Variants in INSC observed in about 807,000 individuals in gnomAD.
INSC encodes INSC spindle orientation adaptor protein, also known as protein inscuteable homolog.
A neutral mutation model predicts 58.6 loss-of-function variants in INSC; 67 were observed. The ratio of observed to expected loss-of-function variants is 1.14; its 90% CI spans 0.94 to 1.40. The LOEUF (loss-of-function observed/expected upper bound fraction) is 1.40. Ranked by LOEUF, INSC falls within the 40% of genes most tolerant of loss-of-function variation. INSC has a pLI of 0.00. For synonymous variants in INSC, 262 were observed against 276.1 expected, an observed-to-expected ratio of 0.95 and a Z score of 0.51; for missense variants, 714 against 692.0, an observed-to-expected ratio of 1.03 and a Z score of -0.36.
the INSC span, among the ~76,000 whole-genome samples, chr11:15,266,723 A>G: frequency 1.3e-5 from 2 of 151,998 alleles, no homozygotes; most frequent in Non-Finnish European, 2.9e-5. Flanking sequence ...TGCTTTCATC[A>G]TAAAGTGGAA....
At chr11:15,251,896 A>C (rs558771220), downstream of INSC, among the ~76,000 whole-genome samples, 13 of 152,334 alleles carry the variant, frequency 8.5e-5, no homozygotes, top group African/African-American at 3.1e-4. Flanking sequence ...GTTCAAAAGA[A>C]ATGAAAATGT....
intron 2 of INSC, among the ~76,000 whole-genome samples, chr11:15,158,860 G>GTTTTTTTTTTTTTTTT (rs529518368): frequency 1.4e-4 from 15 of 109,666 alleles, no homozygotes; most frequent in African/African-American, 3.5e-4. Context: ...ATTGTTGGTG[G>GTTTTTTTTTTTTTTTT]TTTTTTTTTT....
chr11:15,229,382 T>C lies in INSC; in HGVS notation c.1170+3554T>C, dbSNP rs376548164. 5.3e-5 allele frequency among the ~76,000 whole-genome samples: 8 copies of C among 152,282 alleles called. No individual in the cohort carries two copies. The South Asian group carries it at 1.5e-3, about 28-fold the overall frequency. On this transcript the variant is annotated intron_variant, in intron 9 of 12. Transcript: ENST00000379556. ...TTTTTGTCTCACATCTCAAAATCTC[T>C]CTATAGTTTATAAAGCTCTGTCATA...
In INSC at chr11:15,115,350, C is replaced by A. The variant is rs187475653; in HGVS notation, c.-46+347C>A. On this transcript the variant is annotated intron_variant, in intron 1 of 12. Transcript: ENST00000379556. ...GCCTGTGTGTGTGGCAGGAAGGCCC[C>A]CAGGTGGGCTGAGCCAGTCCACATG... 2.5e-3 allele frequency among the ~76,000 whole-genome samples: 376 copies of A among 152,234 alleles called. 7 individuals carry two copies. Among genetic ancestry groups the A allele is most frequent in the Middle Eastern group, 6.8e-3 (2 of 294 alleles).
intron 7 of INSC, among the ~76,000 whole-genome samples, chr11:15,215,975 G>A (rs1851202738): frequency 6.6e-6 from 1 of 152,146 alleles, no homozygotes; most frequent in Non-Finnish European, 1.5e-5. Flanking sequence ...GGCAAATTAT[G>A]TTTGGAATTA....
intron 6 of INSC, among the ~76,000 whole-genome samples, chr11:15,193,281 A>G (rs971770462): frequency 6.6e-6 from 1 of 152,188 alleles, no homozygotes; most frequent in Non-Finnish European, 1.5e-5. Context: ...CTGGAAGGCA[A>G]TTTTTTTAAC....
chr11:15,139,192 T>C (rs1377074908), intron 1 of INSC, among the ~76,000 whole-genome samples: 2 of 152,190 alleles, frequency 1.3e-5, no homozygotes, highest in African/African-American at 2.4e-5. Context: ...TTGAGTATGA[T>C]TTATGAAACA....
In INSC at chr11:15,225,675, G is replaced by T; in HGVS notation, c.1017G>T (p.Gly339=). The T allele has an allele frequency of 6.2e-7, 1 of 1,614,178 alleles. No individual in the cohort carries two copies. Among genetic ancestry groups the T allele is most frequent in the South Asian group, 1.1e-5 (1 of 91,062 alleles). The part of the protein sequence containing the change: ...LVKLCQEASS[G]EVFLLASAAL... ...AACTGTGCCAAGAGGCCTCATCAGG[G>T]GAAGTCTTCCTACTGGCCTCTGCGG... Residue 339 remains glycine (G), a synonymous_variant, in exon 9 of 13, where the codon GGG becomes GGT. Coordinates refer to ENST00000379556, the MANE Select transcript of INSC (RefSeq NM_001042536.3).
At chr11:15,153,958 C>T (rs1033942761) in intron 2 of INSC, among the ~76,000 whole-genome samples, 2 of 152,150 alleles carry the variant, frequency 1.3e-5, no homozygotes, top group Admixed American at 6.5e-5. Context: ...GCTCTGTGTC[C>T]CCACTTTAGT....
intron 1 of INSC, among the ~76,000 whole-genome samples, chr11:15,141,903 G>A (rs4757290): frequency 0.35 from 53,324 of 151,562 alleles, 10,056 homozygotes; most frequent in East Asian, 0.6. Context: ...CTTACTTTCT[G>A]GAGTTCATCC....
chr11:15,204,963 G>T (rs535699069), intron 7 of INSC, among the ~76,000 whole-genome samples: 12 of 152,282 alleles, frequency 7.9e-5, no homozygotes, highest in Non-Finnish European at 1.6e-4. Flanking sequence ...CCCAATTGCT[G>T]CTGTGTCATG....
chr11:15,253,081 G>T, the INSC span, among the ~76,000 whole-genome samples: 13 of 152,274 alleles, frequency 8.5e-5, no homozygotes, highest in African/African-American at 3.1e-4. Flanking sequence ...AATTGCATTT[G>T]CTAGAAGAAT....
chr11:15,172,963 A>T (rs559815966), intron 2 of INSC, among the ~76,000 whole-genome samples: 1 of 152,352 alleles, frequency 6.6e-6, no homozygotes, highest in South Asian at 2.1e-4. Flanking sequence ...ATATCTATGT[A>T]GAAAGCCCTA....
intron 9 of INSC, among the ~76,000 whole-genome samples, chr11:15,234,226 C>T (rs1852034630): frequency 1.3e-5 from 2 of 152,168 alleles, no homozygotes; most frequent in Non-Finnish European, 1.5e-5. Flanking sequence ...CAACCAGGCC[C>T]CTGATGGGGT....
Position 15,136,471 on chromosome 11 carries a change from C to T in INSC, c.-45-12659C>T, listed in dbSNP as rs559028671. Among the ~76,000 whole-genome samples the T allele has an allele frequency of 2.8e-4, 42 of 151,948 alleles. 1 individual carries two copies. In the South Asian group the frequency reaches 7.5e-3, roughly 27 times the overall value. On this transcript the variant is annotated intron_variant, in intron 1 of 12. Coordinates refer to ENST00000379556, the MANE Select transcript of INSC (RefSeq NM_001042536.3). ...TTATGAAAAATTTCTTGGTGGTATG[C>T]GGTGTTTGATAGCATTTTACCTATA... is the stretch of plus-strand genomic sequence containing the variant.
At chr11:15,192,650 A>C (rs533669917) in intron 6 of INSC, among the ~76,000 whole-genome samples, 3 of 152,322 alleles carry the variant, frequency 2.0e-5, no homozygotes, top group Admixed American at 1.3e-4. Flanking sequence ...GAGGGAACTG[A>C]AGTTCATCCG....
chr11:15,230,112 C>A (rs1196222250), intron 9 of INSC, among the ~76,000 whole-genome samples: 2 of 137,030 alleles, frequency 1.5e-5, no homozygotes, highest in African/African-American at 5.6e-5. Context: ...ATGGCTTGAG[C>A]CCGGGAAATG....
intron 5 of INSC, among the ~76,000 whole-genome samples, chr11:15,187,075 A>G (rs1849996723): frequency 6.6e-6 from 1 of 152,048 alleles, no homozygotes; most frequent in Admixed American, 6.5e-5. Flanking sequence ...TGGAAGGATG[A>G]CCTTAGCTGA....
upstream of INSC, among the ~76,000 whole-genome samples, chr11:15,113,441 G>A (rs1847622912): frequency 6.6e-6 from 1 of 152,138 alleles, no homozygotes; most frequent in Non-Finnish European, 1.5e-5. Flanking sequence ...TTACAGGCGT[G>A]AGCCACCACT....
Sources: allele counts gnomAD v4.1 joint callset (sites outside exome capture counted in the v4.1 genomes callset), GRCh38; gene constraint gnomAD v4.1.1; transcripts MANE v1.5; gene names NCBI Gene and HGNC (gene_info 2026-07-23, HGNC 2026-07-21).